Variants in RNGTT observed in about 807,000 individuals in gnomAD.
RNGTT encodes the protein RNA guanylyltransferase and 5'-phosphatase.
Under a neutral mutation model 79.3 loss-of-function variants are expected in RNGTT, and 33 were observed. That is an observed-to-expected ratio of 0.42 (90% CI 0.32 to 0.56). RNGTT has a LOEUF of 0.56. Ranked by LOEUF, RNGTT falls within the 20% of genes least tolerant of loss-of-function variation. RNGTT has a pLI of 0.17. For missense variants in RNGTT, 497 were observed against 739.1 expected, an observed-to-expected ratio of 0.67 and a Z score of 3.80; for synonymous variants, 222 against 235.9, an observed-to-expected ratio of 0.94 and a Z score of 0.54.
chr6:88,876,806 A>G (rs2127924588), intron 8 of RNGTT, among the ~76,000 whole-genome samples: 1 of 152,332 alleles, frequency 6.6e-6, no homozygotes, highest in Admixed American at 6.5e-5. Context: ...AACCTGGCCA[A>G]CTGAAAATTC....
At chr6:88,649,655 C>T (rs924700850) in intron 14 of RNGTT, among the ~76,000 whole-genome samples, 1 of 151,992 alleles carries the variant, frequency 6.6e-6, no homozygotes. Context: ...CGAGATCGCG[C>T]CACTGCACTC....
intron 8 of RNGTT, 50 bp from the exon 9 acceptor site, chr6:88,853,814 C>A: frequency 8.5e-7 from 1 of 1,175,648 alleles, no homozygotes; most frequent in South Asian, 1.6e-5. Flanking sequence ...ATATCAAGAA[C>A]AGGGTCATGA....
At chr6:88,940,656 C>T (rs576654852) in intron 2 of RNGTT, among the ~76,000 whole-genome samples, 1 of 152,080 alleles carries the variant, frequency 6.6e-6, no homozygotes, top group South Asian at 2.1e-4. Context: ...TCTACTCTGG[C>T]GAGTACAGGG....
chr6:88,676,979 C>G (rs2127789039), intron 14 of RNGTT, among the ~76,000 whole-genome samples: 1 of 152,226 alleles, frequency 6.6e-6, no homozygotes, highest in South Asian at 2.1e-4. Flanking sequence ...GTAATAGCCC[C>G]AAGCTAGAAA....
Position 88,821,595 on chromosome 6 carries a change from T to G in RNGTT, c.1270-19963A>C, listed in dbSNP as rs559031702. On this transcript the variant is annotated intron_variant, in intron 11 of 15. Transcript: ENST00000369485. ...TTAATATTTCTAAGCAAAATACGAT[T>G]AAGCAAAATTCAAAGTAAACAAAAG... 2.0e-5 allele frequency among the ~76,000 whole-genome samples: 3 copies of G among 152,056 alleles called. No individual in the cohort carries two copies. The South Asian group carries it at 6.2e-4, about 32-fold the overall frequency.
At chr6:88,727,558 A>G (rs1207726285) in intron 13 of RNGTT, among the ~76,000 whole-genome samples, 1 of 152,234 alleles carries the variant, frequency 6.6e-6, no homozygotes, top group Non-Finnish European at 1.5e-5. Context: ...TCAGACATTA[A>G]AATTGGATAA....
At chr6:88,635,577 A>G (rs929229053) in intron 14 of RNGTT, among the ~76,000 whole-genome samples, 1 of 152,038 alleles carries the variant, frequency 6.6e-6, no homozygotes, top group Non-Finnish European at 1.5e-5. Context: ...TGCCCAACAC[A>G]TACTTAATTT....
chr6:88,726,270 G>C (rs1048709935), intron 13 of RNGTT, among the ~76,000 whole-genome samples: 1 of 151,622 alleles, frequency 6.6e-6, no homozygotes, highest in Admixed American at 6.6e-5. Flanking sequence ...CCCACGGATG[G>C]CCTAAATGCA....
intron 14 of RNGTT, among the ~76,000 whole-genome samples, chr6:88,658,226 C>G (rs1005782119): frequency 6.6e-6 from 1 of 152,188 alleles, no homozygotes; most frequent in South Asian, 2.1e-4. Flanking sequence ...CCTGCAACAC[C>G]TTGGCCAACC....
intron 8 of RNGTT, among the ~76,000 whole-genome samples, chr6:88,857,137 G>A (rs530031685): frequency 1.6e-4 from 25 of 152,068 alleles, no homozygotes; most frequent in Middle Eastern, 3.2e-3. Context: ...TTTCAGAGCA[G>A]TTGCTGAGAT....
intron 8 of RNGTT, among the ~76,000 whole-genome samples, chr6:88,880,529 T>C (rs1218946401): frequency 6.6e-6 from 1 of 152,130 alleles, no homozygotes; most frequent in East Asian, 1.9e-4. Context: ...TAAATACAGA[T>C]ATAGATACAT....
At chr6:88,755,997 G>T (rs577385703) in intron 13 of RNGTT, among the ~76,000 whole-genome samples, 1 of 150,292 alleles carries the variant, frequency 6.7e-6, no homozygotes, top group Admixed American at 6.6e-5. Context: ...ACATCTTGGT[G>T]GGGGAGAGTT....
At chr6:88,774,914 G>C (rs1284521397) in intron 12 of RNGTT, among the ~76,000 whole-genome samples, 2 of 152,092 alleles carry the variant, frequency 1.3e-5, no homozygotes, top group Non-Finnish European at 2.9e-5. Flanking sequence ...GTACAACACT[G>C]TCCATGTAAT....
intron 11 of RNGTT, among the ~76,000 whole-genome samples, chr6:88,815,562 A>T (rs1391448394): frequency 6.6e-6 from 1 of 152,164 alleles, no homozygotes; most frequent in Non-Finnish European, 1.5e-5. Context: ...GTTGGCCTAA[A>T]CGTATTCCAA....
chr6:88,637,985 G>A (rs1254568905), intron 14 of RNGTT, among the ~76,000 whole-genome samples: 3 of 152,084 alleles, frequency 2.0e-5, no homozygotes, highest in South Asian at 4.1e-4. Flanking sequence ...GGTTTTTCTA[G>A]TTCTAAAGTT....
At chr6:88,613,421 A>G (rs1174174947) in intron 15 of RNGTT, among the ~76,000 whole-genome samples, 3 of 152,228 alleles carry the variant, frequency 2.0e-5, no homozygotes, top group African/African-American at 7.2e-5. Context: ...TCTTAGAAGA[A>G]AAGACATTGG....
At position 88,769,767 on chromosome 6, in the gene RNGTT, TA is replaced by T; in HGVS notation, c.1439+6del. 1 of 1,572,344 alleles carries T rather than the reference TA, an allele frequency of 6.4e-7. No individual in the cohort carries two copies. The highest frequency in any genetic ancestry group is 8.7e-7 in the Non-Finnish European group (1 of 1,143,016). ...TTCATGCAAAAAGTACAAAAGTGCATACTTACCCTTCTCCTCCCATTCTTGT... is the reference window on the plus strand; with the variant it reads ...TTCATGCAAAAAGTACAAAAGTGCATCTTACCCTTCTCCTCCCATTCTTGT... On this transcript the variant is annotated splice_donor_region_variant and intron_variant, in intron 13 of 15. Transcript: ENST00000369485.
At position 88,664,223 on chromosome 6, in the gene RNGTT, G is replaced by A. The variant is rs573840486; in HGVS notation, c.1506+14130C>T. Among the ~76,000 whole-genome samples, 67 of 152,194 alleles carry A rather than the reference G, an allele frequency of 4.4e-4. 2 individuals are homozygous for A. The highest frequency in any genetic ancestry group is 6.2e-4 in the South Asian group (3 of 4,826). On this transcript the variant is annotated intron_variant, in intron 14 of 15. Transcript: ENST00000369485. ...GAGAGGAGCCCAAAAGGCCACAAAC[G>A]TAAACAAGGTCTCCGAGGTTATCCA...
intron 4 of RNGTT, among the ~76,000 whole-genome samples, chr6:88,907,051 T>C (rs1181822227): frequency 6.6e-6 from 1 of 152,208 alleles, no homozygotes; most frequent in Non-Finnish European, 1.5e-5. Context: ...ACCTTGAAGC[T>C]CTCTAGAAAC....
Sources: gnomAD v4.1 joint callset for allele counts (sites outside exome capture counted in the v4.1 genomes callset) on GRCh38, gnomAD v4.1.1 for gene constraint, MANE v1.5 for transcripts, NCBI Gene and HGNC (gene_info 2026-07-23, HGNC 2026-07-21) for gene names.